RPA1: variants seen among roughly 807,000 people sequenced by gnomAD.
RPA1 encodes replication protein A1.
A neutral mutation model predicts 83.0 loss-of-function variants in RPA1; 49 were observed. The observed-to-expected ratio is 0.59, with a 90% confidence interval of 0.47 to 0.75. The LOEUF (loss-of-function observed/expected upper bound fraction) is 0.75, where lower values mean the gene tolerates loss of function less well. Among genes scored for constraint, RPA1 ranks in the 30% least tolerant of loss-of-function variants. RPA1 has a pLI of 0.00. For missense variants in RPA1, 693 were observed against 776.1 expected, an observed-to-expected ratio of 0.89 and a Z score of 1.27; for synonymous variants, 279 against 281.8, an observed-to-expected ratio of 0.99 and a Z score of 0.10.
intron 4 of RPA1, among the ~76,000 whole-genome samples, chr17:1,845,867 A>G (rs577860469): frequency 5.3e-5 from 8 of 152,304 alleles, no homozygotes; most frequent in African/African-American, 1.9e-4. Flanking sequence ...TGAGAGGTGA[A>G]GGTTGCAGTG....
At position 1,884,111 on chromosome 17, in the gene RPA1, G is replaced by A. The variant is rs1161482509; in HGVS notation, c.1374+167G>A. 6.6e-6 allele frequency among the ~76,000 whole-genome samples: 1 copy of A among 152,206 alleles called. No homozygotes were observed. Among genetic ancestry groups the A allele is most frequent in the African/African-American group, 2.4e-5 (1 of 41,454 alleles). On this transcript the variant is annotated intron_variant, in intron 13 of 16. Coordinates refer to ENST00000254719, the MANE Select transcript of RPA1 (RefSeq NM_002945.5). This position sits in a 1 kb window ranked among gnomAD's most constrained non-coding sequence, Gnocchi z 4.1. ...AATCACTGGCAGAGGGAAGCAGCCA[G>A]GTGTGCTCATGGGAATATGTGTTAC...
Position 1,844,113 on chromosome 17 carries a change from C to T in RPA1, c.163+115C>T, listed in dbSNP as rs189247147. 2.9e-5 allele frequency: 23 copies of T among 780,742 alleles called. No homozygotes were observed. The East Asian group carries it at 3.3e-4, about 11-fold the overall frequency. The allele number at this position is 780,742 out of a possible 1,614,324, so 48.4% of individuals were successfully genotyped here. A position where few individuals can be genotyped will look rare whatever the true frequency, so the allele number is the denominator to read the frequency against. On this transcript the variant is annotated intron_variant, in intron 3 of 16. Coordinates refer to ENST00000254719, the MANE Select transcript of RPA1 (RefSeq NM_002945.5). ...CGTGAAGTCCGTACTTGCTTGGCTA[C>T]GTACTTCATTCAGACAGAATTGCAG...
chr17:1,896,313 C>T (rs752140888), intron 16 of RPA1, among the ~76,000 whole-genome samples: 2 of 152,204 alleles, frequency 1.3e-5, no homozygotes, highest in African/African-American at 2.4e-5. Flanking sequence ...CTCGCCTGTG[C>T]AGCCTTCCTG....
intron 16 of RPA1, among the ~76,000 whole-genome samples, chr17:1,895,775 C>T (rs549176894): frequency 4.6e-5 from 7 of 151,814 alleles, no homozygotes; most frequent in Non-Finnish European, 8.8e-5. Flanking sequence ...CTCCGCCTCC[C>T]GGGTTCAAGT....
chr17:1,872,277 C>T, intron 5 of RPA1, 157 bp from the exon 6 acceptor site: 1 of 1,133,606 alleles, frequency 8.8e-7, no homozygotes, highest in Non-Finnish European at 1.2e-6. Context: ...AGCAAATTCA[C>T]CGAGTGCCAT....
intron 5 of RPA1, among the ~76,000 whole-genome samples, chr17:1,854,609 TG>T (rs1210953646): frequency 6.6e-6 from 1 of 151,828 alleles, no homozygotes; most frequent in East Asian, 1.9e-4. Flanking sequence ...GAGGATGAGG[TG>T]GGGGGATTAC....
intron 1 of RPA1, among the ~76,000 whole-genome samples, chr17:1,833,716 T>G (rs1412242581): frequency 6.6e-6 from 1 of 151,714 alleles, no homozygotes; most frequent in Non-Finnish European, 1.5e-5. Context: ...TAGCCAGGTG[T>G]GGGGGCGCAT....
chr17:1,878,434 G>A (rs1033650731), intron 8 of RPA1, among the ~76,000 whole-genome samples: 1 of 152,106 alleles, frequency 6.6e-6, no homozygotes, highest in Non-Finnish European at 1.5e-5. Context: ...TCTAATGTAT[G>A]GTGGTTGGCT....
rs762943954 is a variant in RPA1, at chr17:1,880,683, T to G, written c.1233T>G (p.Leu411=). ...CTGACATCCCAGAGGCCTATAAGCT[T>G]CGTGGATGGTAGGTTTTGTGGGGCT... ...ANPDIPEAYK[L]RGWFDAEGQA... Residue 411 remains leucine (L), a synonymous_variant, in exon 12 of 17, where the codon CTT becomes CTG. Coordinates refer to ENST00000254719, the MANE Select transcript of RPA1 (RefSeq NM_002945.5). 30 of 1,613,206 alleles carry G rather than the reference T, an allele frequency of 1.9e-5. No individual in the cohort carries two copies. The highest frequency in any genetic ancestry group is 2.4e-5 in the Non-Finnish European group (28 of 1,179,928).
intron 13 of RPA1, among the ~76,000 whole-genome samples, chr17:1,885,252 C>T (rs1741799179): frequency 3.3e-5 from 5 of 152,194 alleles, no homozygotes. Flanking sequence ...TAAGGAGCAG[C>T]TCCTTATCCG....
chr17:1,855,412 C>G (rs547964384), intron 5 of RPA1, among the ~76,000 whole-genome samples: 1 of 152,066 alleles, frequency 6.6e-6, no homozygotes, highest in African/African-American at 2.4e-5. Context: ...TGGTCTCGAA[C>G]TCCTGACCTC....
At chr17:1,842,917 G>GT in intron 2 of RPA1, 64 bp downstream of exon 2, 1 of 1,523,236 alleles carries the variant, frequency 6.6e-7, no homozygotes, top group Admixed American at 1.7e-5. Context: ...TACAAGTTAC[G>GT]TTTGATGAAG....
At chr17:1,874,006 AAAAAAAAT>A (rs1276945854) in intron 6 of RPA1, among the ~76,000 whole-genome samples, 2 of 101,102 alleles carry the variant, frequency 2.0e-5, no homozygotes, top group African/African-American at 1.0e-4. Context: ...AAAAAAAAAA[AAAAAAAAT>A]ATATATATAT....
At chr17:1,846,354 G>T (rs1388123009) in intron 4 of RPA1, among the ~76,000 whole-genome samples, 2 of 136,182 alleles carry the variant, frequency 1.5e-5, no homozygotes, top group East Asian at 4.2e-4. Flanking sequence ...CCTCACTCTG[G>T]TTGCCCAGGC....
chr17:1,838,235 G>A (rs898225568), intron 1 of RPA1, among the ~76,000 whole-genome samples: 29 of 152,028 alleles, frequency 1.9e-4, no homozygotes, highest in African/African-American at 7.0e-4. Context: ...AGCTTGTAGT[G>A]AGCCAAGATC....
chr17:1,882,333 T>C (rs1323494202), intron 12 of RPA1, among the ~76,000 whole-genome samples: 1 of 152,152 alleles, frequency 6.6e-6, no homozygotes, highest in Non-Finnish European at 1.5e-5. Flanking sequence ...AGAAAAAAGA[T>C]AATGCCTTCT....
intron 14 of RPA1, among the ~76,000 whole-genome samples, chr17:1,889,710 C>G (rs1268868540): frequency 6.6e-6 from 1 of 152,024 alleles, no homozygotes; most frequent in African/African-American, 2.4e-5. Flanking sequence ...TTTAAGAAAA[C>G]AGTTTAAGGC....
chr17:1,844,532 A>G (rs1567803433), intron 3 of RPA1, 46 bp from the exon 4 acceptor site: 3 of 1,509,538 alleles, frequency 2.0e-6, no homozygotes, highest in Non-Finnish European at 2.7e-6. Context: ...TCAGAGGCTT[A>G]AGACTGCAGG....
At chr17:1,894,546 A>G (rs1914324707) in intron 15 of RPA1, among the ~76,000 whole-genome samples, 1 of 152,198 alleles carries the variant, frequency 6.6e-6, no homozygotes, top group African/African-American at 2.4e-5. Flanking sequence ...TTGCCTTTGT[A>G]ACCATTTTTA....
Sources: allele counts gnomAD v4.1 joint callset (sites outside exome capture counted in the v4.1 genomes callset), GRCh38; gene constraint gnomAD v4.1.1; non-coding constraint Gnocchi (gnomAD v3.1); transcripts MANE v1.5; gene names NCBI Gene and HGNC (gene_info 2026-07-23, HGNC 2026-07-21).